Variants in SH3RF3 observed in about 807,000 individuals in gnomAD.
SH3RF3 encodes the protein SH3 domain containing ring finger 3, also known as E3 ubiquitin-protein ligase SH3RF3.
In SH3RF3, 29 loss-of-function variants were observed where a neutral mutation model predicts 66.3. The ratio of observed to expected loss-of-function variants is 0.44; its 90% CI spans 0.33 to 0.60. SH3RF3 has a LOEUF of 0.60. SH3RF3 is among the 20% of genes least tolerant of loss of function. SH3RF3 has a pLI of 0.04. For missense variants in SH3RF3, 1,194 were observed against 1,190.9 expected (o/e 1.00, Z -0.04); for synonymous variants, 583 against 532.0 (o/e 1.10, Z -1.32).
rs181024955 is a variant in SH3RF3 at position 109,454,737 on chromosome 2, G to A, written c.2148+5248G>A. On this transcript the variant is annotated intron_variant, in intron 8 of 9. Coordinates refer to ENST00000309415, the MANE Select transcript of SH3RF3 (RefSeq NM_001099289.3). The stretch of plus-strand genomic sequence containing the variant: ...CATACAGTAGGGACGGTACACTGGG[G>A]AGCTTCTGTGTTGCTGTGTGCGAGT... Among the ~76,000 whole-genome samples, 325 of 152,272 alleles carry A rather than the reference G, an allele frequency of 2.1e-3. 2 individuals are homozygous for A. Among genetic ancestry groups the A allele is most frequent in the Non-Finnish European group, 1.9e-3 (127 of 68,030 alleles).
intron 1 of SH3RF3, among the ~76,000 whole-genome samples, chr2:109,226,935 G>A (rs1679387662): frequency 6.6e-6 from 1 of 152,188 alleles, no homozygotes; most frequent in African/African-American, 2.4e-5. Flanking sequence ...TGAGGTAGAT[G>A]CATCCACCAT....
intron 1 of SH3RF3, among the ~76,000 whole-genome samples, chr2:109,306,162 T>C (rs752756373): frequency 2.0e-5 from 3 of 152,192 alleles, no homozygotes; most frequent in African/African-American, 7.2e-5. Context: ...ACGTCGCTTA[T>C]AGAGAAAATC....
chr2:109,444,048 C>G (rs1426253803), intron 7 of SH3RF3, among the ~76,000 whole-genome samples: 1 of 152,122 alleles, frequency 6.6e-6, no homozygotes, highest in Non-Finnish European at 1.5e-5. Context: ...AAACTACATT[C>G]CCTGACCACA....
At chr2:109,492,415 C>T (rs989836774) in intron 9 of SH3RF3, among the ~76,000 whole-genome samples, 2 of 152,082 alleles carry the variant, frequency 1.3e-5, no homozygotes, top group African/African-American at 4.8e-5. Flanking sequence ...CCAGTGAGAA[C>T]GGAAGTCGCA....
intron 1 of SH3RF3, among the ~76,000 whole-genome samples, chr2:109,213,257 A>G (rs1672654845): frequency 6.6e-6 from 1 of 152,190 alleles, no homozygotes. Flanking sequence ...TACTCAGGAC[A>G]TGGCTCTTCC....
chr2:109,479,031 C>T, intron 8 of SH3RF3, among the ~76,000 whole-genome samples: 1 of 152,166 alleles, frequency 6.6e-6, no homozygotes, highest in East Asian at 1.9e-4. Context: ...GGTGGGCTGG[C>T]TTATGTGTCT....
intron 2 of SH3RF3, among the ~76,000 whole-genome samples, chr2:109,368,924 TCATGCCTTGG>T (rs1683204348): frequency 2.7e-5 from 4 of 149,194 alleles, no homozygotes; most frequent in African/African-American, 1.0e-4. Context: ...GCTGGGCCAA[TCATGCCTTGG>T]GCCTCTGCTG....
intron 1 of SH3RF3, among the ~76,000 whole-genome samples, chr2:109,294,681 A>T (rs1681266941): frequency 6.6e-6 from 1 of 151,938 alleles, no homozygotes; most frequent in Non-Finnish European, 1.5e-5. Flanking sequence ...TGATGTGGTG[A>T]CGGGGCTGGG....
chr2:109,203,608 C>T (rs945417647), intron 1 of SH3RF3, among the ~76,000 whole-genome samples: 7 of 152,256 alleles, frequency 4.6e-5, no homozygotes, highest in East Asian at 1.9e-4. Flanking sequence ...TCCACTTTCC[C>T]TTTGCACGAC....
intron 1 of SH3RF3, among the ~76,000 whole-genome samples, chr2:109,306,048 C>CT (rs769103887): frequency 2.0e-5 from 3 of 152,226 alleles, no homozygotes; most frequent in Non-Finnish European, 4.4e-5. Flanking sequence ...CTGCTGGGCT[C>CT]TTACTGGCAG....
chr2:109,200,409 C>T (rs934090713), intron 1 of SH3RF3, among the ~76,000 whole-genome samples: 1 of 152,184 alleles, frequency 6.6e-6, no homozygotes. Context: ...CTCTCTTTCC[C>T]TCCATCTCTG....
chr2:109,249,565 T>TTCCG, intron 1 of SH3RF3, among the ~76,000 whole-genome samples: 3 of 139,074 alleles, frequency 2.2e-5, no homozygotes, highest in African/African-American at 8.9e-5. Flanking sequence ...CCTTCCTTCC[T>TTCCG]TCCTTCCTTC....
At chr2:109,380,120 C>T (rs929385251) in intron 3 of SH3RF3, among the ~76,000 whole-genome samples, 2 of 152,070 alleles carry the variant, frequency 1.3e-5, no homozygotes, top group Non-Finnish European at 2.9e-5. Flanking sequence ...ACTGCCAAGG[C>T]GTGATCCACA....
chr2:109,367,062 C>T (rs7574474), intron 2 of SH3RF3, among the ~76,000 whole-genome samples: 3,938 of 150,788 alleles, frequency 0.026, 169 homozygotes, highest in African/African-American at 0.09. Flanking sequence ...AAGAGATTCT[C>T]GTGCCTCACC....
chr2:109,501,219 GC>G (rs1679376621), intron 9 of SH3RF3, among the ~76,000 whole-genome samples: 1 of 152,180 alleles, frequency 6.6e-6, no homozygotes, highest in South Asian at 2.1e-4. Flanking sequence ...GAGATGGGGG[GC>G]TGTGCTTGGG....
At chr2:109,332,922 A>G (rs1276429122) in intron 1 of SH3RF3, among the ~76,000 whole-genome samples, 1 of 152,242 alleles carries the variant, frequency 6.6e-6, no homozygotes, top group African/African-American at 2.4e-5. Flanking sequence ...AGCTGTTTTG[A>G]TGGGAGGAAA....
chr2:109,466,919 GTGTA>G (rs982495071), intron 8 of SH3RF3, among the ~76,000 whole-genome samples: 4 of 151,846 alleles, frequency 2.6e-5, no homozygotes, highest in South Asian at 4.2e-4. Flanking sequence ...GTGTCTATAT[GTGTA>G]TGTATGCATG....
intron 1 of SH3RF3, among the ~76,000 whole-genome samples, chr2:109,339,611 C>T (rs535271661): frequency 2.0e-5 from 3 of 152,258 alleles, no homozygotes; most frequent in Admixed American, 6.5e-5. Context: ...CAGGGGTTGC[C>T]GGTAGCGAGG....
intron 1 of SH3RF3, among the ~76,000 whole-genome samples, chr2:109,268,108 A>G (rs1170930383): frequency 1.3e-5 from 2 of 151,352 alleles, no homozygotes; most frequent in African/African-American, 2.4e-5. Flanking sequence ...ATGGGGAGGA[A>G]GGGGCTGGGT....
Sources: gnomAD v4.1 joint callset for allele counts (sites outside exome capture counted in the v4.1 genomes callset) on GRCh38, gnomAD v4.1.1 for gene constraint, MANE v1.5 for transcripts, NCBI Gene and HGNC (gene_info 2026-07-23, HGNC 2026-07-21) for gene names.